B4GALNT4: variants seen among roughly 807,000 people sequenced by gnomAD.
B4GALNT4 encodes N-acetyl-beta-glucosaminyl-glycoprotein 4-beta-N-acetylgalactosaminyltransferase 1.
B4GALNT4 carries 77 observed loss-of-function variants against 110.0 expected under a neutral mutation model. The observed-to-expected ratio is 0.70, with a 90% CI of 0.58 to 0.85. The LOEUF (loss-of-function observed/expected upper bound fraction) is 0.85, where lower values mean the gene tolerates loss of function less well. B4GALNT4 is among the 40% of genes least tolerant of loss of function. The probability of loss-of-function intolerance (pLI) is 0.00; values close to 1 mark genes in which losing one functional copy is unlikely to be tolerated. For missense variants in B4GALNT4, 1,575 were observed against 1,506.0 expected, an observed-to-expected ratio of 1.05 and a Z score of -0.76; for synonymous variants, 785 against 655.5, an observed-to-expected ratio of 1.20 and a Z score of -3.02.
chr11:380,651 G>C, intron 18 of B4GALNT4, 174 bp from the exon 19 acceptor site: 1 of 1,282,678 alleles, frequency 7.8e-7, no homozygotes, highest in South Asian at 1.2e-5. Flanking sequence ...AGTATCCCGC[G>C]TTTATGCACC....
intron 8 of B4GALNT4, 118 bp downstream of exon 8, chr11:373,946 G>T: frequency 9.7e-7 from 1 of 1,032,412 alleles, no homozygotes; most frequent in Non-Finnish European, 1.4e-6. Flanking sequence ...AGGGCCATGG[G>T]CCTGAGGTCA....
rs1319248757 is a variant in B4GALNT4 at position 381,986 on chromosome 11, GCCTTGGT to G, written c.*197_*203del. On this transcript the variant is annotated 3_prime_UTR_variant, in exon 20 of 20. Transcript: ENST00000329962. ...AGCCTTCACGGCGGGTCAGGGCCTG[GCCTTGGT>G]CCCCACTCTGCGATGATTTCTGTGA... 1 of 542,538 alleles carries G rather than the reference GCCTTGGT, an allele frequency of 1.8e-6. No homozygotes were observed. Among genetic ancestry groups the G allele is most frequent in the East Asian group, 3.6e-5 (1 of 27,502 alleles). 33.6% of individuals were successfully genotyped at this position (542,538 alleles called of 1,614,324 possible).
At position 377,014 on chromosome 11, in the gene B4GALNT4, T is replaced by C. The variant is rs1413601381; in HGVS notation, c.1891T>C (p.Leu631=). The change falls in exon 14 of 20, where the codon TTG becomes CTG. Residue 631 remains leucine, a synonymous_variant. Coordinates refer to ENST00000329962, the MANE Select transcript of B4GALNT4 (RefSeq NM_178537.5). ...EARPVTSFLS[L]SQVSGPQLPG... The stretch of plus-strand genomic sequence containing the variant: ...GCGGCCCGTGACCTCCTTCCTGAGC[T>C]TGTCCCAGGTGTCCGGGCCGCAGCT... 7.6e-6 allele frequency: 11 copies of C among 1,445,144 alleles called. No individual in the cohort carries two copies. The highest frequency in any genetic ancestry group is 9.1e-6 in the Non-Finnish European group (10 of 1,103,260). The allele number at this position is 1,445,144 out of a possible 1,614,324, so 89.5% of individuals were successfully genotyped here.
rs1409614802 is a variant in B4GALNT4 at position 376,593 on chromosome 11, C to A, written c.1470C>A (p.His490Gln). 4.4e-6 allele frequency: 6 copies of A among 1,370,604 alleles called. No individual in the cohort carries two copies. The highest frequency in any genetic ancestry group is 5.6e-6 in the Non-Finnish European group (6 of 1,067,952). The allele number at this position is 1,370,604 out of a possible 1,614,324, so 84.9% of individuals were successfully genotyped here. The stretch of plus-strand genomic sequence containing the variant: ...CCCGGGACGGGGGGACCCCCAGGCA[C>A]TCCCGGGCCCTGAGCTGGGCCGCCA... The part of the protein sequence containing the change: ...PRPRDGGTPR[H>Q]SRALSWAARA... Residue 490 changes from histidine (H) to glutamine (Q), a missense_variant, in exon 14 of 20, where the codon CAC (histidine) becomes CAA (glutamine). Physicochemically the swap from His to Gln is conservative, Grantham distance 24 (BLOSUM62 0). Coordinates refer to ENST00000329962, the MANE Select transcript of B4GALNT4 (RefSeq NM_178537.5).
Position 375,793 on chromosome 11 carries a change from G to T in B4GALNT4, c.985+20G>T, listed in dbSNP as rs1449403160. 6.2e-7 allele frequency: 1 copy of T among 1,601,436 alleles called. No individual in the cohort carries two copies. Among genetic ancestry groups the T allele is most frequent in the Non-Finnish European group, 8.5e-7 (1 of 1,177,130 alleles). On this transcript the variant is annotated intron_variant, in intron 10 of 19. Transcript: ENST00000329962. Reference sequence around the variant, plus strand: ...TCCTCAGTGAGAGGGGGCCCGCGCGGGGGCGAGGGCGGGGGTGCCTGCCCC... The same window carrying T: ...TCCTCAGTGAGAGGGGGCCCGCGCGTGGGCGAGGGCGGGGGTGCCTGCCCC...
intron 6 of B4GALNT4, 63 bp downstream of exon 6, chr11:373,354 C>T (rs1374898763): frequency 2.5e-6 from 4 of 1,577,528 alleles, no homozygotes; most frequent in Non-Finnish European, 2.6e-6. Flanking sequence ...CTGTGCCCAC[C>T]AGCCTCTTGG....
At chr11:371,471 G>A (rs565182281) in intron 1 of B4GALNT4, among the ~76,000 whole-genome samples, 5 of 152,254 alleles carry the variant, frequency 3.3e-5, no homozygotes, top group African/African-American at 1.2e-4. Flanking sequence ...TGGGATCTGA[G>A]CATCTGTAGG....
chr11:372,528 A>C, intron 2 of B4GALNT4, 134 bp from the exon 3 acceptor site: 1 of 829,000 alleles, frequency 1.2e-6, no homozygotes, highest in Non-Finnish European at 2.0e-6. Flanking sequence ...CAGGGTTTGC[A>C]TGGCTGGGGC....
At chr11:380,062 T>G in intron 16 of B4GALNT4, 43 bp downstream of exon 16, 1 of 1,601,270 alleles carries the variant, frequency 6.2e-7, no homozygotes, top group Non-Finnish European at 8.5e-7. Flanking sequence ...AGCGCAGCTT[T>G]CCTCCCCGGG....
chr11:370,251 C>G (rs1846593721), intron 1 of B4GALNT4, among the ~76,000 whole-genome samples: 1 of 152,056 alleles, frequency 6.6e-6, no homozygotes, highest in Non-Finnish European at 1.5e-5. Context: ...TGGGATCTGG[C>G]TTGGATCCGG....
At chr11:370,052 G>GCGGGCGGCGCGGGCGGCGCGGGCGGCT (rs1273410483) in intron 1 of B4GALNT4, 98 bp downstream of exon 1, 10 of 152,810 alleles carry the variant, frequency 6.5e-5, no homozygotes, top group South Asian at 4.2e-4. Flanking sequence ...CGCGGGCGGC[G>GCGGGCGGCGCGGGCGGCGCGGGCGGCT]GGGGCCCCGG....
chr11:371,968 G>A (rs1030974665), intron 1 of B4GALNT4, 141 bp from the exon 2 acceptor site: 8 of 634,134 alleles, frequency 1.3e-5, no homozygotes, highest in Non-Finnish European at 2.2e-5. Flanking sequence ...CAGATGAGAA[G>A]GAGAGGCTTT....
chr11:380,276 C>G lies in B4GALNT4; in HGVS notation c.2716-16C>G. 6.2e-7 allele frequency: 1 copy of G among 1,611,958 alleles called. No individual in the cohort carries two copies. Among genetic ancestry groups the G allele is most frequent in the South Asian group, 1.1e-5 (1 of 91,020 alleles). On this transcript the variant is annotated splice_polypyrimidine_tract_variant and intron_variant, in intron 17 of 19. Coordinates refer to ENST00000329962, the MANE Select transcript of B4GALNT4 (RefSeq NM_178537.5). Reference sequence around the variant, plus strand: ...GAGGAGCGGAGGGCGGGGCTCAGACCTCCCGCACCCCCCAGGACGCCAGCA... The same window carrying G: ...GAGGAGCGGAGGGCGGGGCTCAGACGTCCCGCACCCCCCAGGACGCCAGCA...
intron 9 of B4GALNT4, 44 bp downstream of exon 9, chr11:375,571 G>A: frequency 6.2e-7 from 1 of 1,604,964 alleles, no homozygotes; most frequent in Non-Finnish European, 8.5e-7. Flanking sequence ...CTCGGGATGG[G>A]CTCTGGGTGT....
rs773270181 is a variant in B4GALNT4 at position 375,861 on chromosome 11, T to C, written c.1000T>C (p.Ser334Pro). Residue 334 changes from serine to proline, a missense_variant, in exon 11 of 20, where the codon TCT (serine) becomes CCT (proline). By Grantham distance (74) the Ser-to-Pro change is moderately conservative. Coordinates refer to ENST00000329962, the MANE Select transcript of B4GALNT4 (RefSeq NM_178537.5). The part of the protein sequence containing the change: ...DTFFLTPRME[S>P]SSLENVLEPC... ...ACCTCCTGCAGCTCCACGCATGGAA[T>C]CTTCGAGCCTGGAGAACGTGCTGGA... 1.2e-6 allele frequency: 2 copies of C among 1,610,610 alleles called. No individual in the cohort carries two copies. Among genetic ancestry groups the C allele is most frequent in the South Asian group, 1.1e-5 (1 of 90,874 alleles).
rs767558658 is a variant in B4GALNT4, at chr11:376,638, G to T, written c.1515G>T (p.Pro505=). The stretch of plus-strand genomic sequence containing the variant: ...CCGCCAGGGCCGCCCGCCCTTTGCC[G>T]CTCTTCTTGGGCCGAGCTCCGCCCC... ...SWAARAARPL[P]LFLGRAPPPR... The change falls in exon 14 of 20, where the codon CCG becomes CCT. Residue 505 remains proline, a synonymous_variant. Transcript: ENST00000329962. The T allele has an allele frequency of 2.1e-6, 3 of 1,421,494 alleles. No homozygotes were observed. The highest frequency in any genetic ancestry group is 5.4e-5 in the Admixed American group (2 of 36,840). The allele number at this position is 1,421,494 out of a possible 1,614,324, so 88.1% of individuals were successfully genotyped here.
In B4GALNT4 at chr11:369,725, G is replaced by A. The variant is rs1408200447; in HGVS notation, c.-79G>A. On this transcript the variant is annotated 5_prime_UTR_variant, in exon 1 of 20. Coordinates refer to ENST00000329962, the MANE Select transcript of B4GALNT4 (RefSeq NM_178537.5). ...GCTGAGCGCGGCGGGGCGGGCCGGG[G>A]ATGCGGCGCGGGGCGGGCGGGGGCC... 1.2e-5 allele frequency: 9 copies of A among 727,538 alleles called. 1 individual carries two copies. In the Admixed American group the frequency reaches 5.2e-4, roughly 42 times the overall value. The allele number at this position is 727,538 out of a possible 1,614,324, so 45.1% of individuals were successfully genotyped here.
Position 379,633 on chromosome 11 carries a change from GC to G in B4GALNT4, c.2424del (p.Glu809SerfsTer14). The G allele has an allele frequency of 6.6e-7, 1 of 1,513,900 alleles. No individual in the cohort carries two copies. The highest frequency in any genetic ancestry group is 8.8e-7 in the Non-Finnish European group (1 of 1,135,174). 93.8% of individuals were successfully genotyped at this position (1,513,900 alleles called of 1,614,324 possible). ...GCCGCCTCCGTGCGCCCCGACGGCC[GC>G]CCCGAGCTCTGCCGGCCACTGCGCC... is the stretch of plus-strand genomic sequence containing the variant. ...APAASVRPDG[R>X]PELCRPLRLA... On this transcript the variant is annotated frameshift_variant, in exon 15 of 20. Coordinates refer to ENST00000329962, the MANE Select transcript of B4GALNT4 (RefSeq NM_178537.5). LOFTEE classifies it high-confidence loss of function.
At chr11:372,026 C>A in intron 1 of B4GALNT4, 83 bp from the exon 2 acceptor site, 1 of 1,173,666 alleles carries the variant, frequency 8.5e-7, no homozygotes, top group South Asian at 1.3e-5. Flanking sequence ...CATGTGGGTC[C>A]CTGGCCCAGC....
Sources: allele counts gnomAD v4.1 joint callset (sites outside exome capture counted in the v4.1 genomes callset), GRCh38; gene constraint gnomAD v4.1.1; transcripts MANE v1.5; gene names NCBI Gene and HGNC (gene_info 2026-07-23, HGNC 2026-07-21).